CKS2: variants seen among roughly 807,000 people sequenced by gnomAD.
The protein encoded by CKS2 is cyclin-dependent kinases regulatory subunit 2.
Under a neutral mutation model 14.3 loss-of-function variants are expected in CKS2, and 4 were observed. That is an observed-to-expected ratio of 0.28 (90% CI 0.14 to 0.64). CKS2 has a LOEUF of 0.64. Ranked by LOEUF, CKS2 falls within the 30% of genes least tolerant of loss-of-function variation. The pLI is 0.83. For synonymous variants in CKS2, 33 were observed against 28.7 expected, an observed-to-expected ratio of 1.15 and a Z score of -0.48; for missense variants, 71 against 94.3, an observed-to-expected ratio of 0.75 and a Z score of 1.02.
chr9:89,316,590 T>A lies in CKS2; in HGVS notation c.*165T>A. 2.1e-6 allele frequency: 1 copy of A among 469,416 alleles called. No individual in the cohort carries two copies. 29.1% of individuals were successfully genotyped at this position (469,416 alleles called of 1,614,324 possible). ...TCAGTTAAATGCAACTGCAAGTAGG[T>A]TACTGTAAGATGTTTAAGATAAAAG... On this transcript the variant is annotated 3_prime_UTR_variant, in exon 3 of 3. Coordinates refer to ENST00000314355, the MANE Select transcript of CKS2 (RefSeq NM_001827.3).
At position 89,311,426 on chromosome 9, in the gene CKS2, A is replaced by G. The variant is rs1587814158; in HGVS notation, c.59+75A>G. The G allele has an allele frequency of 4.4e-5, 30 of 679,828 alleles. No individual in the cohort carries two copies. In the East Asian group the frequency reaches 1.4e-3, roughly 32 times the overall value. 42.1% of individuals were successfully genotyped at this position (679,828 alleles called of 1,614,324 possible). ...GCGGGCGGGGCGACCCAGGCATAGT[A>G]GGGTCGGGGGTGGGGGCCGGGGCCT... On this transcript the variant is annotated intron_variant, in intron 1 of 2. Coordinates refer to ENST00000314355, the MANE Select transcript of CKS2 (RefSeq NM_001827.3).
rs1408271703 is a variant in CKS2, at chr9:89,316,364, T to C, written c.188-9T>C. On this transcript the variant is annotated splice_polypyrimidine_tract_variant and intron_variant, in intron 2 of 2. Transcript: ENST00000314355. ...TATTAAAATGATTCAAAACATTTTC[T>C]TTCCACAGAACCACATATTCTTCTC... is the stretch of plus-strand genomic sequence containing the variant. 5.1e-6 allele frequency: 8 copies of C among 1,561,084 alleles called. No individual in the cohort carries two copies. Among genetic ancestry groups the C allele is most frequent in the Non-Finnish European group, 7.0e-6 (8 of 1,137,478 alleles).
At position 89,312,003 on chromosome 9, in the gene CKS2, C is replaced by T. The variant is rs3211668; in HGVS notation, c.59+652C>T. ...CTTGATGGGGATTCGAAAATGTTTA[C>T]TGGGTATGGTGATTTGGGCCATTAT... is the stretch of plus-strand genomic sequence containing the variant. On this transcript the variant is annotated intron_variant, in intron 1 of 2. Coordinates refer to ENST00000314355, the MANE Select transcript of CKS2 (RefSeq NM_001827.3). Among the ~76,000 whole-genome samples, 539 of 152,030 alleles carry T rather than the reference C, an allele frequency of 3.5e-3. 2 individuals are homozygous for T. Among genetic ancestry groups the T allele is most frequent in the Non-Finnish European group, 6.3e-3 (431 of 67,994 alleles).
rs1049095250 is a variant in CKS2, at chr9:89,313,605, G to C, written c.60-1565G>C. On this transcript the variant is annotated intron_variant, in intron 1 of 2. Transcript: ENST00000314355. ...CCTTTATAAAGAAACCCTGATGGAGGAGAGCCTGTTTCCGTGTTTATGGAG... is the reference window on the plus strand; with the variant it reads ...CCTTTATAAAGAAACCCTGATGGAGCAGAGCCTGTTTCCGTGTTTATGGAG... Among the ~76,000 whole-genome samples, 4 of 152,222 alleles carry C rather than the reference G, an allele frequency of 2.6e-5. No individual in the cohort carries two copies. In the South Asian group the frequency reaches 6.2e-4, roughly 24 times the overall value.
chr9:89,311,847 T>C (rs535498024), intron 1 of CKS2, among the ~76,000 whole-genome samples: 1 of 152,336 alleles, frequency 6.6e-6, no homozygotes, highest in African/African-American at 2.4e-5. Flanking sequence ...ATGCAGCTTT[T>C]ACTAGTTTGT....
At chr9:89,315,718 G>C (rs1205563821) in intron 2 of CKS2, among the ~76,000 whole-genome samples, 1 of 152,076 alleles carries the variant, frequency 6.6e-6, no homozygotes, top group Non-Finnish European at 1.5e-5. Context: ...TGAGGTAATA[G>C]CATATGAACT....
chr9:89,316,118 T>C (rs1824707091), intron 2 of CKS2, among the ~76,000 whole-genome samples: 1 of 152,050 alleles, frequency 6.6e-6, no homozygotes, highest in Non-Finnish European at 1.5e-5. Context: ...AAACAGAATC[T>C]ATGGGGATGA....
At position 89,311,229 on chromosome 9, in the gene CKS2, G is replaced by A. The variant is rs1824597010; in HGVS notation, c.-64G>A. The A allele has an allele frequency of 1.4e-6, 2 of 1,381,588 alleles. No homozygotes were observed. Among genetic ancestry groups the A allele is most frequent in the Admixed American group, 1.7e-5 (1 of 57,244 alleles). The allele number at this position is 1,381,588 out of a possible 1,614,324, so 85.6% of individuals were successfully genotyped here. A position where few individuals can be genotyped will look rare whatever the true frequency, so the allele number is the denominator to read the frequency against. ...CGGCGAGTTGTTGCCTGGGCTGGAC[G>A]TGGTTTTGTCTGCTGCGCCCGCTCT... On this transcript the variant is annotated 5_prime_UTR_variant, in exon 1 of 3. In the 5' UTR this introduces an upstream ATG that the reference lacks. Transcript: ENST00000314355.
chr9:89,311,391 C>T (rs1373651190), intron 1 of CKS2, 40 bp downstream of exon 1: 1 of 1,539,764 alleles, frequency 6.5e-7, no homozygotes, highest in Admixed American at 1.9e-5. Context: ...CTCCCTCAGC[C>T]GGGGCCCCCG....
chr9:89,316,123 G>C (rs1824707334), intron 2 of CKS2, among the ~76,000 whole-genome samples: 1 of 152,060 alleles, frequency 6.6e-6, no homozygotes, highest in South Asian at 2.1e-4. Context: ...GAATCTATGG[G>C]GATGAGCATT....
In CKS2 at chr9:89,313,278, G is replaced by C. The variant is rs552673603; in HGVS notation, c.60-1892G>C. ...TGTGCAGTTATCTCTATCTTTCTTT[G>C]ATTTTTCTTAATTACAAACTTAATT... On this transcript the variant is annotated intron_variant, in intron 1 of 2. Coordinates refer to ENST00000314355, the MANE Select transcript of CKS2 (RefSeq NM_001827.3). Among the ~76,000 whole-genome samples the C allele has an allele frequency of 4.6e-5, 7 of 152,206 alleles. No individual in the cohort carries two copies. In the East Asian group the frequency reaches 1.4e-3, roughly 29 times the overall value.
Position 89,311,269 on chromosome 9 carries a change from C to T in CKS2, c.-24C>T, listed in dbSNP as rs368132606. The T allele has an allele frequency of 8.9e-5, 143 of 1,606,800 alleles. No homozygotes were observed. The African/African-American group carries it at 1.8e-3, about 20-fold the overall frequency. On this transcript the variant is annotated 5_prime_UTR_variant, in exon 1 of 3. Transcript: ENST00000314355. ...GCGCCCGCTCTTCGCGCTCTCGTTT[C>T]ATTTTCTGCAGCGCGCCAGCAGGAT...
intron 1 of CKS2, among the ~76,000 whole-genome samples, 188 bp from the exon 2 acceptor site, chr9:89,314,982 G>A (rs1021805660): frequency 1.3e-5 from 2 of 152,168 alleles, no homozygotes; most frequent in African/African-American, 4.8e-5. Flanking sequence ...TAATCCTATG[G>A]AAAATGCTTT....
rs1564275615 is a variant in CKS2 at position 89,315,196 on chromosome 9, C to T, written c.86C>T (p.Ser29Phe). 6.2e-7 allele frequency: 1 copy of T among 1,609,916 alleles called. No individual in the cohort carries two copies. Among genetic ancestry groups the T allele is most frequent in the South Asian group, 1.1e-5 (1 of 90,760 alleles). Residue 29 changes from serine to phenylalanine, a missense_variant, in exon 2 of 3, where the codon TCC (serine) becomes TTC (phenylalanine). Transcript: ENST00000314355. ...CATGTTATGTTACCCAGAGAACTTT[C>T]CAAACAAGTACCTAAAACTCATCTG... ...YRHVMLPREL[S>F]KQVPKTHLMS...
intron 1 of CKS2, among the ~76,000 whole-genome samples, chr9:89,312,796 T>C (rs1392959025): frequency 6.6e-6 from 1 of 152,228 alleles, no homozygotes; most frequent in East Asian, 1.9e-4. Flanking sequence ...TATCCAATAA[T>C]GAACACAATG....
At chr9:89,311,510 G>A (rs1824607699) in intron 1 of CKS2, among the ~76,000 whole-genome samples, 159 bp downstream of exon 1, 1 of 152,198 alleles carries the variant, frequency 6.6e-6, no homozygotes, top group Non-Finnish European at 1.5e-5. Context: ...CGGCCACCTG[G>A]CGCCCCGCGC....
chr9:89,315,985 G>A (rs1261829861), intron 2 of CKS2, among the ~76,000 whole-genome samples: 3 of 152,094 alleles, frequency 2.0e-5, no homozygotes, highest in African/African-American at 4.8e-5. Flanking sequence ...GCATTGCATC[G>A]AAAACTCTAA....
chr9:89,311,346 G>A lies in CKS2; in HGVS notation c.54G>A (p.Glu18=). 2 of 1,606,156 alleles carry A rather than the reference G, an allele frequency of 1.2e-6. No individual in the cohort carries two copies. Among genetic ancestry groups the A allele is most frequent in the South Asian group, 1.1e-5 (1 of 90,286 alleles). ...YSDKYFDEHY[E]YRHVMLPREL... ...ACAAGTACTTCGACGAACACTACGAGTACCGGTGGGCGCCTTTCTTAGACC... is the reference window on the plus strand; with the variant it reads ...ACAAGTACTTCGACGAACACTACGAATACCGGTGGGCGCCTTTCTTAGACC... Residue 18 remains glutamate, a synonymous_variant, in exon 1 of 3, where the codon GAG becomes GAA. Transcript: ENST00000314355.
chr9:89,311,437 T>TGGGGGG, intron 1 of CKS2, 86 bp downstream of exon 1: 1 of 479,006 alleles, frequency 2.1e-6, no homozygotes. Flanking sequence ...GGGTCGGGGG[T>TGGGGGG]GGGGGCCGGG....
Sources: allele counts gnomAD v4.1 joint callset (sites outside exome capture counted in the v4.1 genomes callset), GRCh38; gene constraint gnomAD v4.1.1; transcripts MANE v1.5; gene names NCBI Gene and HGNC (gene_info 2026-07-23, HGNC 2026-07-21).